Variants in MYO1E observed in about 807,000 individuals in gnomAD.
MYO1E encodes unconventional myosin-Ie.
In MYO1E, 68 loss-of-function variants were observed where a neutral mutation model predicts 151.1. The ratio of observed to expected loss-of-function variants is 0.45; its 90% CI spans 0.37 to 0.55. The LOEUF (loss-of-function observed/expected upper bound fraction) is 0.55, where lower values mean the gene tolerates loss of function less well. MYO1E is among the 20% of genes least tolerant of loss of function. The pLI is 0.00. For synonymous variants in MYO1E, 601 were observed against 501.7 expected (o/e 1.20, Z -2.64); for missense variants, 1,363 against 1,389.3 (o/e 0.98, Z 0.30).
chr15:59,222,488 G>T (rs1036320500), intron 9 of MYO1E, among the ~76,000 whole-genome samples: 1 of 152,150 alleles, frequency 6.6e-6, no homozygotes, highest in African/African-American at 2.4e-5. Flanking sequence ...GAGGCTCCAG[G>T]TATACAGATG....
chr15:59,203,794 A>G (rs201020141), intron 15 of MYO1E, among the ~76,000 whole-genome samples: 2 of 152,232 alleles, frequency 1.3e-5, no homozygotes, highest in African/African-American at 4.8e-5. Flanking sequence ...GAAGCATAGC[A>G]TGGTGCACAG....
chr15:59,179,283 T>C (rs1450423640), intron 18 of MYO1E, among the ~76,000 whole-genome samples: 1 of 152,168 alleles, frequency 6.6e-6, no homozygotes, highest in East Asian at 1.9e-4. Context: ...CTCTTGTTAG[T>C]TTCTCTCATA....
intron 14 of MYO1E, chr15:59,207,052 C>T: frequency 2.5e-6 from 4 of 1,614,184 alleles, no homozygotes; most frequent in Non-Finnish European, 3.4e-6. Flanking sequence ...GCGCATCCCG[C>T]TCAACGGCAC....
chr15:59,245,067 C>A (rs2080121671), intron 4 of MYO1E, among the ~76,000 whole-genome samples: 1 of 152,184 alleles, frequency 6.6e-6, no homozygotes, highest in South Asian at 2.1e-4. Flanking sequence ...CAGGGCCTCC[C>A]AAAGCCAGGC....
chr15:59,289,464 G>A (rs2080406533), intron 1 of MYO1E, among the ~76,000 whole-genome samples: 1 of 152,154 alleles, frequency 6.6e-6, no homozygotes, highest in Non-Finnish European at 1.5e-5. Flanking sequence ...TACAAATTAG[G>A]TTTTAATATT....
chr15:59,200,649 G>C (rs1376981340), intron 16 of MYO1E, among the ~76,000 whole-genome samples: 5 of 152,106 alleles, frequency 3.3e-5, no homozygotes, highest in Admixed American at 3.3e-4. Context: ...CAATTAAGCA[G>C]AGACCAACAA....
At chr15:59,218,405 A>T in intron 9 of MYO1E, 1 of 461,870 alleles carries the variant, frequency 2.2e-6, no homozygotes, top group Non-Finnish European at 4.1e-6. Flanking sequence ...AAATGCCTAA[A>T]ATGGACATCT....
At chr15:59,254,894 T>C (rs1257377603) in intron 4 of MYO1E, among the ~76,000 whole-genome samples, 1 of 151,874 alleles carries the variant, frequency 6.6e-6, no homozygotes, top group Non-Finnish European at 1.5e-5. Flanking sequence ...GGCGTGATCT[T>C]GGCTCACTGC....
intron 12 of MYO1E, among the ~76,000 whole-genome samples, chr15:59,213,105 G>A (rs2079889832): frequency 6.7e-6 from 1 of 150,286 alleles, no homozygotes; most frequent in South Asian, 2.1e-4. Context: ...TATGCTATCA[G>A]GAAACAATGG....
rs774167901 is a variant in MYO1E, at chr15:59,256,321, T to C, written c.295A>G (p.Met99Val). 2 of 1,613,216 alleles carry C rather than the reference T, an allele frequency of 1.2e-6. No homozygotes were observed. Among genetic ancestry groups the C allele is most frequent in the Non-Finnish European group, 1.7e-6 (2 of 1,179,298 alleles). ...CACTGGTTCTCTCTGTCAATGATCATGTTTCTGTACATATTATCTGCAAGG... is the reference window on the plus strand; with the variant it reads ...CACTGGTTCTCTCTGTCAATGATCACGTTTCTGTACATATTATCTGCAAGG... ...YALADNMYRNMIIDRENQCVI... is the reference protein window; with the variant it reads ...YALADNMYRNVIIDRENQCVI... The change falls in exon 4 of 28, where the codon ATG becomes GTG. Residue 99 changes from methionine to valine, a missense_variant. By Grantham distance (21) the Met-to-Val change is conservative (BLOSUM62 1). Transcript: ENST00000288235.
At chr15:59,333,268 C>T (rs1037182990) in intron 1 of MYO1E, among the ~76,000 whole-genome samples, 2 of 152,036 alleles carry the variant, frequency 1.3e-5, no homozygotes, top group South Asian at 4.1e-4. Context: ...GAGACAGGGC[C>T]TCGCTCTGTT....
At chr15:59,364,497 T>C (rs1471323939) in intron 1 of MYO1E, among the ~76,000 whole-genome samples, 2 of 152,232 alleles carry the variant, frequency 1.3e-5, no homozygotes, top group African/African-American at 4.8e-5. Flanking sequence ...CATGGGATTA[T>C]AATACTGCCA....
At position 59,209,268 on chromosome 15, in the gene MYO1E, T is replaced by C. The variant is rs28717972; in HGVS notation, c.1363-420A>G. Among the ~76,000 whole-genome samples the C allele has an allele frequency of 2.7e-3, 418 of 152,338 alleles. 2 individuals are homozygous for C. Among genetic ancestry groups the C allele is most frequent in the African/African-American group, 9.1e-3 (378 of 41,580 alleles). ...TTTAGTGTACACATTCTATAATGCA[T>C]TTCCTTTTTCACATAGCACTATTTT... On this transcript the variant is annotated intron_variant, in intron 13 of 27. Transcript: ENST00000288235.
chr15:59,324,952 A>G (rs1366469868), intron 1 of MYO1E, among the ~76,000 whole-genome samples: 1 of 149,582 alleles, frequency 6.7e-6, no homozygotes, highest in Non-Finnish European at 1.5e-5. Context: ...CTTTTTAGAA[A>G]AAAAAAAAAA....
chr15:59,268,112 A>T (rs1324539479), intron 2 of MYO1E, among the ~76,000 whole-genome samples: 3 of 152,226 alleles, frequency 2.0e-5, no homozygotes, highest in Non-Finnish European at 2.9e-5. Context: ...AACATAGGAG[A>T]GGAAAAAACC....
At position 59,205,588 on chromosome 15, in the gene MYO1E, C is replaced by G. The variant is rs2079828636; in HGVS notation, c.1531-103G>C. ...AATCTAATTTCACCAAACAAAAAAC[C>G]AAAGCTGTCATGGCTACCCTCACCA... On this transcript the variant is annotated intron_variant, in intron 14 of 27. Transcript: ENST00000288235. 5 of 1,106,460 alleles carry G rather than the reference C, an allele frequency of 4.5e-6. No individual in the cohort carries two copies. The South Asian group carries it at 5.1e-5, about 11-fold the overall frequency. 68.5% of individuals were successfully genotyped at this position (1,106,460 alleles called of 1,614,324 possible).
chr15:59,283,280 G>A (rs1440060133), intron 1 of MYO1E, among the ~76,000 whole-genome samples: 1 of 152,040 alleles, frequency 6.6e-6, no homozygotes, highest in Non-Finnish European at 1.5e-5. Context: ...GCTGTGCTTT[G>A]TTTCTGTTTT....
intron 1 of MYO1E, among the ~76,000 whole-genome samples, chr15:59,310,271 T>A (rs911606679): frequency 6.6e-6 from 1 of 152,158 alleles, no homozygotes; most frequent in African/African-American, 2.4e-5. Flanking sequence ...CAGCGAAGTG[T>A]GTATCTGTTG....
chr15:59,372,736 G>C lies in MYO1E; in HGVS notation c.-236C>G. 1 of 569,254 alleles carries C rather than the reference G, an allele frequency of 1.8e-6. No individual in the cohort carries two copies. The highest frequency in any genetic ancestry group is 3.1e-6 in the Non-Finnish European group (1 of 324,578). The allele number at this position is 569,254 out of a possible 1,614,324, so 35.3% of individuals were successfully genotyped here. A position where few individuals can be genotyped will look rare whatever the true frequency, so the allele number is the denominator to read the frequency against. On this transcript the variant is annotated 5_prime_UTR_variant, in exon 1 of 28. Transcript: ENST00000288235. ...CTTAGCAGGCGGGGCGCATGCTGCG[G>C]AGGGCAAGAGTCCACTCGTACTCGC...
Sources: allele counts gnomAD v4.1 joint callset (sites outside exome capture counted in the v4.1 genomes callset), GRCh38; gene constraint gnomAD v4.1.1; transcripts MANE v1.5; gene names NCBI Gene and HGNC (gene_info 2026-07-23, HGNC 2026-07-21).